Variants in GEN1 observed in about 807,000 individuals in gnomAD.
The protein encoded by GEN1 is GEN1 structure-specific endonuclease.
Under a neutral mutation model 67.6 loss-of-function variants are expected in GEN1, and 64 were observed. The observed-to-expected ratio is 0.95, with a 90% CI of 0.77 to 1.17. The LOEUF (loss-of-function observed/expected upper bound fraction) is 1.17, where lower values mean the gene tolerates loss of function less well. GEN1 is among the 50% of genes most tolerant of loss of function. The probability of loss-of-function intolerance (pLI) is 0.00; values close to 1 mark genes in which losing one functional copy is unlikely to be tolerated. For synonymous variants in GEN1, 371 were observed against 359.4 expected (o/e 1.03, Z -0.37); for missense variants, 1,058 against 1,048.3 (o/e 1.01, Z -0.13).
chr2:17,753,316 G>A (rs1302601069), upstream of GEN1, among the ~76,000 whole-genome samples: 1 of 48,734 alleles, frequency 2.1e-5, no homozygotes, highest in Non-Finnish European at 4.5e-5. Context: ...CCACAGCCCG[G>A]GAGAGTCTGG....
intron 1 of GEN1, chr2:17,754,939 A>G (rs1472446976): frequency 6.6e-6 from 1 of 152,130 alleles, no homozygotes; most frequent in African/African-American, 2.4e-5. Flanking sequence ...TCCCATGAAT[A>G]TGCTGACCTA....
chr2:17,781,046 T>C lies in GEN1; in HGVS notation c.1834T>C (p.Ser612Pro), dbSNP rs1282595398. The C allele has an allele frequency of 2.5e-6, 4 of 1,613,820 alleles. No individual in the cohort carries two copies. The highest frequency in any genetic ancestry group is 3.4e-6 in the Non-Finnish European group (4 of 1,179,880). The change falls in exon 14 of 14, where the codon TCA becomes CCA. Residue 612 changes from serine to proline, a missense_variant. By Grantham distance (74) the Ser-to-Pro change is moderately conservative. Coordinates refer to ENST00000381254, the MANE Select transcript of GEN1 (RefSeq NM_001130009.3). ...QRNTFSHDLK[S>P]EVESELSAIP... ...GAATACTTTTTCTCATGATTTAAAA[T>C]CAGAAGTTGAATCAGAGCTATCAGC... is the stretch of plus-strand genomic sequence containing the variant.
intron 2 of GEN1, 76 bp from the exon 3 acceptor site, chr2:17,761,320 T>G: frequency 1.3e-6 from 1 of 751,570 alleles, no homozygotes; most frequent in South Asian, 1.9e-5. Flanking sequence ...CTAATGTTCT[T>G]GCCTTTGTGT....
intron 3 of GEN1, 74 bp from the exon 4 acceptor site, chr2:17,764,823 G>T: frequency 2.0e-5 from 27 of 1,340,734 alleles, no homozygotes; most frequent in Non-Finnish European, 2.7e-5. Context: ...TTGTAATACA[G>T]AAATAGGTTT....
rs959699386 is a variant in GEN1, at chr2:17,783,504, T to A, written c.*1565T>A. On this transcript the variant is annotated 3_prime_UTR_variant, in exon 14 of 14. Transcript: ENST00000381254. ...TTCCAGCTGGTTTCTTTGCTGATTC[T>A]AAAATTCATATGGAAATTTCAGGAA... 1.3e-5 allele frequency: 2 copies of A among 152,272 alleles called. No homozygotes were observed. The highest frequency in any genetic ancestry group is 4.8e-5 in the African/African-American group (2 of 41,468). The allele number at this position is 152,272 out of a possible 1,614,324, so 9.4% of individuals were successfully genotyped here.
chr2:17,784,272 A>G lies in GEN1; in HGVS notation c.*2333A>G, dbSNP rs1672976276. The G allele has an allele frequency of 6.6e-6, 1 of 152,192 alleles. No homozygotes were observed. Among genetic ancestry groups the G allele is most frequent in the Non-Finnish European group, 1.5e-5 (1 of 68,022 alleles). The allele number at this position is 152,192 out of a possible 1,614,324, so 9.4% of individuals were successfully genotyped here. A position where few individuals can be genotyped will look rare whatever the true frequency, so the allele number is the denominator to read the frequency against. On this transcript the variant is annotated 3_prime_UTR_variant, in exon 14 of 14. Transcript: ENST00000381254. ...ACTCATCAGGAAAATGCAAATCAAA[A>G]CCACAAGACACCCAATGTCTACAAT...
chr2:17,780,167 T>C (rs771105767), intron 13 of GEN1, 46 bp downstream of exon 13: 5 of 1,477,544 alleles, frequency 3.4e-6, no homozygotes, highest in East Asian at 2.3e-5. Context: ...GCAAATGTTA[T>C]AGAAGAGCCA....
intron 7 of GEN1, 27 bp downstream of exon 7, chr2:17,771,314 A>G: frequency 8.0e-7 from 1 of 1,249,744 alleles, no homozygotes; most frequent in Non-Finnish European, 1.2e-6. Context: ...AATGGTTATT[A>G]GTATCTCATA....
intron 7 of GEN1, among the ~76,000 whole-genome samples, chr2:17,771,554 C>T (rs1401938245): frequency 6.6e-6 from 1 of 151,898 alleles, no homozygotes; most frequent in Admixed American, 6.6e-5. Context: ...GATCTTAAAA[C>T]TATGTTTTCA....
chr2:17,762,364 GC>G (rs1267725178), intron 3 of GEN1, among the ~76,000 whole-genome samples: 1 of 151,192 alleles, frequency 6.6e-6, no homozygotes, highest in Non-Finnish European at 1.5e-5. Flanking sequence ...ACCACACCTG[GC>G]TAAGTTTTTT....
chr2:17,763,603 C>A (rs1671782808), intron 3 of GEN1, among the ~76,000 whole-genome samples: 1 of 152,166 alleles, frequency 6.6e-6, no homozygotes, highest in Admixed American at 6.5e-5. Context: ...CACCTCCACC[C>A]CACATGGTAG....
intron 11 of GEN1, among the ~76,000 whole-genome samples, chr2:17,776,576 A>C (rs2125158445): frequency 6.6e-6 from 1 of 152,320 alleles, no homozygotes; most frequent in Admixed American, 6.5e-5. Context: ...TCATTGTACT[A>C]TTTTTGCAAC....
At chr2:17,762,465 C>G (rs1671733973) in intron 3 of GEN1, among the ~76,000 whole-genome samples, 1 of 152,068 alleles carries the variant, frequency 6.6e-6, no homozygotes, top group Admixed American at 6.6e-5. Context: ...CCTCGGCCTC[C>G]TGAAGTGCTG....
chr2:17,785,042 A>G lies in GEN1; in HGVS notation c.*3103A>G, dbSNP rs1254302077. On this transcript the variant is annotated 3_prime_UTR_variant, in exon 14 of 14. Transcript: ENST00000381254. The stretch of plus-strand genomic sequence containing the variant: ...GGTGGCATTAGAGTCTCATAGGAGC[A>G]TGAACCCTATTGTGAACTACGCATG... 2.0e-5 allele frequency: 3 copies of G among 152,194 alleles called. No homozygotes were observed. In the East Asian group the frequency reaches 5.8e-4, roughly 29 times the overall value. 9.4% of individuals were successfully genotyped at this position (152,194 alleles called of 1,614,324 possible). A position where few individuals can be genotyped will look rare whatever the true frequency, so the allele number is the denominator to read the frequency against.
intron 2 of GEN1, 145 bp downstream of exon 2, chr2:17,760,249 C>T (rs1671611791): frequency 1.4e-6 from 1 of 738,846 alleles, no homozygotes; most frequent in East Asian, 2.8e-5. Context: ...TCTAGATTCA[C>T]CATCTTTATA....
chr2:17,765,230 A>G (rs111548943), intron 4 of GEN1, 157 bp downstream of exon 4: 66 of 630,378 alleles, frequency 1.0e-4, no homozygotes, highest in African/African-American at 6.9e-4. Flanking sequence ...TCATTGCCAC[A>G]TAGTTCATTC....
In GEN1 at chr2:17,759,978, C is replaced by T; in HGVS notation, c.35C>T (p.Pro12Leu). 3 of 1,613,822 alleles carry T rather than the reference C, an allele frequency of 1.9e-6. No individual in the cohort carries two copies. The highest frequency in any genetic ancestry group is 2.5e-6 in the Non-Finnish European group (3 of 1,179,924). ...AATGACTTGTGGCAAATTTTGGAGC[C>T]TGTTAAGCAACACATCCCCTTGCGT... ...GVNDLWQILE[P>L]VKQHIPLRNL... The change falls in exon 2 of 14, where the codon CCT (proline) becomes CTT (leucine). Residue 12 changes from proline (P) to leucine (L), a missense_variant. By Grantham distance (98) the Pro-to-Leu change is moderately conservative (BLOSUM62 -3). Transcript: ENST00000381254.
intron 3 of GEN1, among the ~76,000 whole-genome samples, chr2:17,763,932 T>C (rs6733293): frequency 0.037 from 5,602 of 152,302 alleles, 303 homozygotes; most frequent in African/African-American, 0.11. Context: ...AAATGGTATT[T>C]ATTCTGTCAG....
chr2:17,771,907 C>G (rs1267901739), intron 7 of GEN1, among the ~76,000 whole-genome samples: 1 of 151,456 alleles, frequency 6.6e-6, no homozygotes, highest in Non-Finnish European at 1.5e-5. Flanking sequence ...ATCTAGTTGT[C>G]TTAATATATT....
Sources: allele counts gnomAD v4.1 joint callset (sites outside exome capture counted in the v4.1 genomes callset), GRCh38; gene constraint gnomAD v4.1.1; transcripts MANE v1.5; gene names NCBI Gene and HGNC (gene_info 2026-07-23, HGNC 2026-07-21).